PCTP: variants seen among roughly 807,000 people sequenced by gnomAD.
The protein encoded by PCTP is phosphatidylcholine transfer protein, also known as START domain-containing protein 2.
PCTP carries 27 observed loss-of-function variants against 31.0 expected under a neutral mutation model. The observed-to-expected ratio is 0.87, with a 90% CI of 0.64 to 1.20. The LOEUF is 1.20. Among genes scored for constraint, PCTP ranks in the 50% most tolerant of loss-of-function variants. PCTP has a pLI of 0.00. For missense variants in PCTP, 287 were observed against 268.2 expected, an observed-to-expected ratio of 1.07 and a Z score of -0.49; for synonymous variants, 108 against 101.2, an observed-to-expected ratio of 1.07 and a Z score of -0.40.
intron 3 of PCTP, among the ~76,000 whole-genome samples, chr17:55,793,235 C>A (rs1912066571): frequency 6.6e-6 from 1 of 152,032 alleles, no homozygotes; most frequent in Non-Finnish European, 1.5e-5. Context: ...TTGATTCTAA[C>A]CTTCCATATT....
intron 5 of PCTP, among the ~76,000 whole-genome samples, chr17:55,831,269 T>C (rs1472702306): frequency 6.6e-6 from 1 of 152,220 alleles, no homozygotes; most frequent in East Asian, 1.9e-4. Context: ...TTGTACTTAA[T>C]TGGAGGTTCA....
At chr17:55,773,207 A>G (rs187260320) in intron 3 of PCTP, among the ~76,000 whole-genome samples, 4 of 152,162 alleles carry the variant, frequency 2.6e-5, no homozygotes, top group Admixed American at 6.5e-5. Context: ...ACCATTTACT[A>G]TGCATAAAGG....
rs550638983 is a variant in PCTP, at chr17:55,774,928, G to A, written c.579+69G>A. 7.4e-5 allele frequency: 109 copies of A among 1,480,782 alleles called. 2 individuals carry two copies. The African/African-American group carries it at 1.1e-3, about 15-fold the overall frequency. The allele number at this position is 1,480,782 out of a possible 1,614,324, so 91.7% of individuals were successfully genotyped here. A position where few individuals can be genotyped will look rare whatever the true frequency, so the allele number is the denominator to read the frequency against. ...TGTTTGACAAATGTTGACTTAGCCC[G>A]CGGGGCTGTCAGGCTGAAGAGACAC... is the stretch of plus-strand genomic sequence containing the variant. On this transcript the variant is annotated intron_variant, in intron 5 of 5. Coordinates refer to ENST00000268896, the MANE Select transcript of PCTP (RefSeq NM_021213.4).
In PCTP at chr17:55,777,217, A is replaced by G. The variant is rs1366066016; in HGVS notation, c.*1117A>G. On this transcript the variant is annotated 3_prime_UTR_variant, in exon 6 of 6. Coordinates refer to ENST00000268896, the MANE Select transcript of PCTP (RefSeq NM_021213.4). Reference sequence around the variant, plus strand: ...TTGATGATCTCAGGGAAAAATTTTAATCACTGTGTATAATGATACTGAACC... The same window carrying G: ...TTGATGATCTCAGGGAAAAATTTTAGTCACTGTGTATAATGATACTGAACC... 3.0e-6 allele frequency: 3 copies of G among 985,226 alleles called. No individual in the cohort carries two copies. The highest frequency in any genetic ancestry group is 3.5e-5 in the African/African-American group (2 of 57,214). The allele number at this position is 985,226 out of a possible 1,614,324, so 61.0% of individuals were successfully genotyped here.
intron 3 of PCTP, among the ~76,000 whole-genome samples, chr17:55,802,038 C>A (rs878965051): frequency 6.6e-6 from 1 of 152,142 alleles, no homozygotes; most frequent in African/African-American, 2.4e-5. Context: ...GGGGATATCA[C>A]CACTGATCCC....
intron 3 of PCTP, among the ~76,000 whole-genome samples, chr17:55,806,838 A>G (rs1318816302): frequency 6.6e-6 from 1 of 152,196 alleles, no homozygotes; most frequent in Admixed American, 6.5e-5. Context: ...AAATGTTGTC[A>G]GCTTCATCAT....
chr17:55,820,184 T>C (rs1278340550), intron 3 of PCTP, among the ~76,000 whole-genome samples: 1 of 152,158 alleles, frequency 6.6e-6, no homozygotes, highest in Non-Finnish European at 1.5e-5. Flanking sequence ...TTATTAAAAT[T>C]AATAACTTTT....
At chr17:55,830,845 A>AC (rs1905571223) in intron 5 of PCTP, among the ~76,000 whole-genome samples, 1 of 152,218 alleles carries the variant, frequency 6.6e-6, no homozygotes, top group African/African-American at 2.4e-5. Context: ...GCCTGGGAGC[A>AC]CATGAAGTGG....
intron 3 of PCTP, among the ~76,000 whole-genome samples, chr17:55,793,418 T>C (rs1438300507): frequency 2.0e-5 from 3 of 152,084 alleles, no homozygotes; most frequent in African/African-American, 4.8e-5. Context: ...CTCACCCCGT[T>C]TCCCTCCACT....
intron 3 of PCTP, among the ~76,000 whole-genome samples, chr17:55,790,637 G>A (rs994022330): frequency 6.6e-6 from 1 of 151,528 alleles, no homozygotes; most frequent in African/African-American, 2.4e-5. Context: ...ACAAACCACT[G>A]CTCGAGGAAA....
chr17:55,840,978 T>C (rs973024676), intron 5 of PCTP, among the ~76,000 whole-genome samples: 1 of 152,214 alleles, frequency 6.6e-6, no homozygotes, highest in Non-Finnish European at 1.5e-5. Flanking sequence ...TCAACCTGTA[T>C]GTATAGGGTT....
chr17:55,762,543 T>C (rs1250902875), intron 1 of PCTP, among the ~76,000 whole-genome samples: 1 of 152,058 alleles, frequency 6.6e-6, no homozygotes, highest in East Asian at 1.9e-4. Context: ...TTAGGATTGT[T>C]TTTAGCTACA....
chr17:55,751,987 G>A (rs767161307), intron 1 of PCTP, among the ~76,000 whole-genome samples: 4 of 152,210 alleles, frequency 2.6e-5, no homozygotes, highest in Admixed American at 1.3e-4. Flanking sequence ...GGGTGAAACT[G>A]AAGTTTCCTA....
chr17:55,788,212 C>A (rs1282175160), intron 3 of PCTP, among the ~76,000 whole-genome samples: 1 of 152,112 alleles, frequency 6.6e-6, no homozygotes, highest in Non-Finnish European at 1.5e-5. Context: ...TGATTTGTAC[C>A]ATGCTAACTT....
intron 3 of PCTP, among the ~76,000 whole-genome samples, chr17:55,807,432 G>A (rs1012107019): frequency 6.6e-6 from 1 of 152,114 alleles, no homozygotes; most frequent in Admixed American, 6.6e-5. Flanking sequence ...TACAATTTTA[G>A]TTAAACATGG....
At chr17:55,849,404 C>A in the PCTP span, among the ~76,000 whole-genome samples, 1 of 152,118 alleles carries the variant, frequency 6.6e-6, no homozygotes, top group African/African-American at 2.4e-5. Context: ...GGGTAGATCA[C>A]CTGAGGTCAG....
chr17:55,822,137 A>G (rs1913133753), intron 3 of PCTP, among the ~76,000 whole-genome samples: 2 of 152,200 alleles, frequency 1.3e-5, no homozygotes, highest in South Asian at 4.1e-4. Context: ...GTTCCAAGAA[A>G]CAAAACGTGA....
Position 55,799,410 on chromosome 17 carries a change from G to A in PCTP, c.317+11756G>A, listed in dbSNP as rs565649549. Reference sequence around the variant, plus strand: ...CTTTTTCTTTCTTTTTTTTTTTTTCGCTTTCCATTTGCTTGGTAAATATTC... The same window carrying A: ...CTTTTTCTTTCTTTTTTTTTTTTTCACTTTCCATTTGCTTGGTAAATATTC... On this transcript the variant is annotated intron_variant, in intron 3 of 3. Coordinates refer to the PCTP transcript ENST00000572536. 3.4e-5 allele frequency among the ~76,000 whole-genome samples: 4 copies of A among 117,662 alleles called. No homozygotes were observed. In the South Asian group the frequency reaches 7.6e-4, roughly 22 times the overall value. The allele number at this position is 117,662 out of a possible 152,430, so 77.2% of individuals were successfully genotyped here. A position where few individuals can be genotyped will look rare whatever the true frequency, so the allele number is the denominator to read the frequency against.
At chr17:55,802,370 G>A (rs187299964) in intron 3 of PCTP, among the ~76,000 whole-genome samples, 2 of 152,124 alleles carry the variant, frequency 1.3e-5, no homozygotes, top group Non-Finnish European at 2.9e-5. Flanking sequence ...ATTTTATGAG[G>A]CCAGCATCAT....
Sources: gnomAD v4.1 joint callset for allele counts (sites outside exome capture counted in the v4.1 genomes callset) on GRCh38, gnomAD v4.1.1 for gene constraint, MANE v1.5 for transcripts, NCBI Gene and HGNC (gene_info 2026-07-23, HGNC 2026-07-21) for gene names.